GRM7: variants seen among roughly 807,000 people sequenced by gnomAD.
The protein encoded by GRM7 is glutamate metabotropic receptor 7, also known as metabotropic glutamate receptor 7.
GRM7 carries 35 observed loss-of-function variants against 84.5 expected under a neutral mutation model. The observed-to-expected ratio is 0.41, with a 90% CI of 0.32 to 0.55. The LOEUF is 0.55. Among genes scored for constraint, GRM7 ranks in the 20% least tolerant of loss-of-function variants. The pLI is 0.19. For missense variants in GRM7, 1,003 were observed against 1,194.6 expected, an observed-to-expected ratio of 0.84 and a Z score of 2.36; for synonymous variants, 487 against 455.1, an observed-to-expected ratio of 1.07 and a Z score of -0.89.
At chr3:7,574,161 CTTTT>C (rs3034008) in intron 7 of GRM7, among the ~76,000 whole-genome samples, 12 of 133,680 alleles carry the variant, frequency 9.0e-5, no homozygotes, top group Non-Finnish European at 1.1e-4. Context: ...CTTAGGCTTG[CTTTT>C]TTTTTTTTTT....
chr3:6,954,678 A>G (rs1444137845), intron 1 of GRM7, among the ~76,000 whole-genome samples: 4 of 152,316 alleles, frequency 2.6e-5, no homozygotes, highest in South Asian at 2.1e-4. Flanking sequence ...ATTACTTACT[A>G]TCTGTGTGAG....
intron 2 of GRM7, among the ~76,000 whole-genome samples, chr3:7,225,056 C>G (rs1474603084): frequency 6.6e-6 from 1 of 152,224 alleles, no homozygotes; most frequent in South Asian, 2.1e-4. Flanking sequence ...GCATAATATA[C>G]TAAACTACCT....
intron 1 of GRM7, among the ~76,000 whole-genome samples, chr3:6,946,697 G>A (rs1028210795): frequency 1.6e-4 from 24 of 152,274 alleles, no homozygotes; most frequent in Admixed American, 2.0e-4. Context: ...CATGAGCATG[G>A]AATGTTCTTC....
intron 3 of GRM7, among the ~76,000 whole-genome samples, chr3:7,301,770 AT>A (rs1338668341): frequency 7.2e-6 from 1 of 139,212 alleles, no homozygotes; most frequent in Non-Finnish European, 1.6e-5. Flanking sequence ...ATAAAAATTT[AT>A]TCTAAAACAT....
At chr3:7,095,385 CAATTCATCACTT>C (rs1338900030) in intron 1 of GRM7, among the ~76,000 whole-genome samples, 19 of 152,078 alleles carry the variant, frequency 1.2e-4, no homozygotes, top group Non-Finnish European at 2.2e-4. Context: ...ACTCAGTGAG[CAATTCATCACTT>C]AATTAATGCC....
At chr3:7,295,828 G>GA (rs553912503) in intron 2 of GRM7, among the ~76,000 whole-genome samples, 1 of 108,094 alleles carries the variant, frequency 9.3e-6, no homozygotes, top group Non-Finnish European at 2.1e-5. Context: ...GCTTTTTTTT[G>GA]GGGGGGGGAT....
At chr3:7,417,447 T>C (rs917061174) in intron 5 of GRM7, among the ~76,000 whole-genome samples, 1 of 152,148 alleles carries the variant, frequency 6.6e-6, no homozygotes, top group Non-Finnish European at 1.5e-5. Context: ...AAAAATACTA[T>C]TTAAAAAATC....
intron 1 of GRM7, among the ~76,000 whole-genome samples, chr3:7,098,804 T>A (rs1698945132): frequency 6.6e-6 from 1 of 151,930 alleles, no homozygotes; most frequent in Admixed American, 6.6e-5. Flanking sequence ...CATTAGAATG[T>A]CAGGTTATGC....
chr3:7,636,691 T>A (rs772550923), intron 8 of GRM7, among the ~76,000 whole-genome samples: 1 of 152,178 alleles, frequency 6.6e-6, no homozygotes, highest in Non-Finnish European at 1.5e-5. Flanking sequence ...TTCTTCCCCA[T>A]AAAGCAAGTG....
At chr3:7,544,107 A>G (rs1031629738) in intron 7 of GRM7, among the ~76,000 whole-genome samples, 2 of 152,206 alleles carry the variant, frequency 1.3e-5, no homozygotes, top group African/African-American at 4.8e-5. Context: ...TGCTTCTAAG[A>G]AAAGAGAGCA....
chr3:7,446,239 A>C (rs1293684573), intron 5 of GRM7, among the ~76,000 whole-genome samples: 1 of 152,190 alleles, frequency 6.6e-6, no homozygotes, highest in Non-Finnish European at 1.5e-5. Flanking sequence ...AATCACTTCA[A>C]TTAATGTTTG....
At position 7,362,977 on chromosome 3, in the gene GRM7, C is replaced by T. The variant is rs184795912; in HGVS notation, c.1034-52046C>T. 2.1e-4 allele frequency among the ~76,000 whole-genome samples: 32 copies of T among 151,968 alleles called. No individual in the cohort carries two copies. The East Asian group carries it at 4.5e-3, about 21-fold the overall frequency. On this transcript the variant is annotated intron_variant, in intron 4 of 9. Coordinates refer to ENST00000357716, the MANE Select transcript of GRM7 (RefSeq NM_000844.4). ...CAAGAAAATAAAAATAAAAAGTTACCCAGGCATGGTGGTACATGCCTGTAG... is the reference window on the plus strand; with the variant it reads ...CAAGAAAATAAAAATAAAAAGTTACTCAGGCATGGTGGTACATGCCTGTAG...
At chr3:7,305,568 A>G (rs1297869935) in intron 3 of GRM7, among the ~76,000 whole-genome samples, 1 of 43,034 alleles carries the variant, frequency 2.3e-5, no homozygotes, top group South Asian at 8.7e-4. Flanking sequence ...TCATTGTTCA[A>G]TTCCCACCTA....
intron 8 of GRM7, among the ~76,000 whole-genome samples, chr3:7,663,450 C>G (rs2125125576): frequency 6.6e-6 from 1 of 152,296 alleles, no homozygotes; most frequent in African/African-American, 2.4e-5. Context: ...GGTGAACTTT[C>G]CAGCATCTGC....
chr3:7,125,691 C>A (rs1178672982), intron 1 of GRM7, among the ~76,000 whole-genome samples: 1 of 152,190 alleles, frequency 6.6e-6, no homozygotes, highest in Non-Finnish European at 1.5e-5. Flanking sequence ...AGCTTTTCAT[C>A]AGCTTTAGAA....
chr3:7,291,462 G>C, intron 2 of GRM7, among the ~76,000 whole-genome samples: 1 of 145,478 alleles, frequency 6.9e-6, no homozygotes, highest in African/African-American at 2.6e-5. Flanking sequence ...TCACAGTACA[G>C]ACAGGGTTAG....
At chr3:7,609,170 C>T (rs1178802544) in intron 8 of GRM7, among the ~76,000 whole-genome samples, 1 of 152,128 alleles carries the variant, frequency 6.6e-6, no homozygotes, top group Non-Finnish European at 1.5e-5. Context: ...TACAACTCCT[C>T]AAAGTGGCAA....
At chr3:7,112,177 AGAGG>A (rs1405612999) in intron 1 of GRM7, among the ~76,000 whole-genome samples, 1 of 151,956 alleles carries the variant, frequency 6.6e-6, no homozygotes. Flanking sequence ...TTTTTATGAG[AGAGG>A]GTATGTTTTT....
chr3:6,878,357 G>T (rs939743951), intron 1 of GRM7, among the ~76,000 whole-genome samples: 1 of 148,266 alleles, frequency 6.7e-6, no homozygotes, highest in African/African-American at 2.5e-5. Flanking sequence ...GACTTTCAAA[G>T]GGTGATTTTT....
Sources: allele counts gnomAD v4.1 joint callset (sites outside exome capture counted in the v4.1 genomes callset), GRCh38; gene constraint gnomAD v4.1.1; transcripts MANE v1.5; gene names NCBI Gene and HGNC (gene_info 2026-07-23, HGNC 2026-07-21).